Variants in PRKD3 observed in about 807,000 individuals in gnomAD.
PRKD3 encodes the protein serine/threonine-protein kinase D3.
In PRKD3, 47 loss-of-function variants were observed where a neutral mutation model predicts 99.2. The ratio of observed to expected loss-of-function variants is 0.47; its 90% confidence interval spans 0.38 to 0.60. PRKD3 has a LOEUF of 0.60. PRKD3 is among the 20% of genes least tolerant of loss of function. The pLI is 0.00. For missense variants in PRKD3, 1,019 were observed against 1,088.4 expected, an observed-to-expected ratio of 0.94 and a Z score of 0.90; for synonymous variants, 392 against 355.4, an observed-to-expected ratio of 1.10 and a Z score of -1.16.
In PRKD3 at chr2:37,293,148, C is replaced by A; in HGVS notation, c.412G>T (p.Glu138Ter). The stretch of plus-strand genomic sequence containing the variant: ...ACTTACTTACCTGAAAGAACCACTT[C>A]CACTAGGTCTCCTTCATGTATTTCA... Reference protein sequence around the residue: ...ADEIHEGDLVEVVLSALATVE... With the variant: ...ADEIHEGDLV The change falls in exon 3 of 19, where the codon GAA (glutamate) becomes TAA (stop). Residue 138 changes from glutamate to a stop codon, truncating the protein, a stop_gained. Transcript: ENST00000234179. LOFTEE classifies it high-confidence loss of function. The A allele has an allele frequency of 6.3e-7, 1 of 1,581,876 alleles. No homozygotes were observed. The highest frequency in any genetic ancestry group is 8.7e-7 in the Non-Finnish European group (1 of 1,154,726).
intron 2 of PRKD3, among the ~76,000 whole-genome samples, chr2:37,306,275 C>G (rs963783525): frequency 2.6e-5 from 4 of 152,280 alleles, no homozygotes; most frequent in Non-Finnish European, 5.9e-5. Context: ...AATTCCAGTT[C>G]TACCTGCTGC....
chr2:37,293,347 G>T (rs544230157), intron 2 of PRKD3, 76 bp from the exon 3 acceptor site: 5 of 1,355,832 alleles, frequency 3.7e-6, no homozygotes, highest in South Asian at 1.9e-5. Context: ...TTTTATCAAA[G>T]AATTTAAAAC....
chr2:37,306,435 A>T (rs1671170199), intron 2 of PRKD3, among the ~76,000 whole-genome samples: 1 of 152,226 alleles, frequency 6.6e-6, no homozygotes, highest in Admixed American at 6.5e-5. Context: ...AACAATATGA[A>T]GATATAGGAA....
At chr2:37,257,003 CTG>C (rs2148483201) in intron 16 of PRKD3, 74 bp from the exon 17 acceptor site, 3 of 1,459,586 alleles carry the variant, frequency 2.1e-6, no homozygotes, top group Non-Finnish European at 2.8e-6. Context: ...AAATATAACA[CTG>C]TATGTATCAT....
intron 1 of PRKD3, among the ~76,000 whole-genome samples, chr2:37,322,287 A>T (rs7592627): frequency 0.042 from 6,431 of 152,282 alleles, 360 homozygotes; most frequent in African/African-American, 0.13. Flanking sequence ...GTTGGTTTTT[A>T]AAAAAATCAT....
chr2:37,292,563 G>C (rs1670482250), intron 3 of PRKD3, among the ~76,000 whole-genome samples: 1 of 152,060 alleles, frequency 6.6e-6, no homozygotes, highest in Non-Finnish European at 1.5e-5. Context: ...AGCCAGGATG[G>C]TCTTGATCTC....
intron 12 of PRKD3, among the ~76,000 whole-genome samples, chr2:37,270,779 T>A (rs1297607917): frequency 6.6e-6 from 1 of 152,254 alleles, no homozygotes; most frequent in East Asian, 1.9e-4. Flanking sequence ...TAACCAAATT[T>A]TGGTTCTAAT....
chr2:37,256,627 AATTTTTT>A, intron 17 of PRKD3, 28 bp downstream of exon 17: 24 of 1,247,242 alleles, frequency 1.9e-5, no homozygotes, highest in Admixed American at 6.6e-5. Flanking sequence ...ACATAGCCAA[AATTTTTT>A]TTTTTTTTTT....
intron 2 of PRKD3, among the ~76,000 whole-genome samples, chr2:37,308,365 T>A (rs1671255137): frequency 6.6e-6 from 1 of 152,212 alleles, no homozygotes; most frequent in Non-Finnish European, 1.5e-5. Flanking sequence ...TCAATTCCAT[T>A]ATATGTAAAT....
At chr2:37,283,877 G>C (rs1469626664) in intron 6 of PRKD3, among the ~76,000 whole-genome samples, 1 of 148,464 alleles carries the variant, frequency 6.7e-6, no homozygotes, top group Admixed American at 6.7e-5. Flanking sequence ...CTCCAGCCTG[G>C]GCGACAGAGC....
chr2:37,279,816 C>G lies in PRKD3; in HGVS notation c.1102G>C (p.Asp368His). The change falls in exon 8 of 19, where the codon GAT (aspartate) becomes CAT (histidine). Residue 368 changes from aspartate to histidine, a missense_variant. This residue lies in a region of PRKD3 where 710 missense variants were observed against 692.7 expected (regional missense o/e 1.02). Transcript: ENST00000234179. ...DDTEEPSPPEDKMFFLDPSDL... is the reference protein window; with the variant it reads ...DDTEEPSPPEHKMFFLDPSDL... ...GATGGATCCAAGAAGAACATCTTAT[C>G]TTCTGGGGGTGATGGCTCTTCTGTG... 6.2e-7 allele frequency: 1 copy of G among 1,613,878 alleles called. No homozygotes were observed. Among genetic ancestry groups the G allele is most frequent in the Non-Finnish European group, 8.5e-7 (1 of 1,179,950 alleles).
At chr2:37,278,467 G>T (rs1669681275) in intron 8 of PRKD3, 1 of 152,288 alleles carries the variant, frequency 6.6e-6, no homozygotes, top group Non-Finnish European at 1.5e-5. Context: ...CTACTAGAAG[G>T]TATTTAAAGG....
rs572250925 is a variant in PRKD3, at chr2:37,311,340, A to C, written c.288+4897T>G. On this transcript the variant is annotated intron_variant, in intron 2 of 18. Transcript: ENST00000234179. ...TTATTTCAGGACTTACATCTACCTTATATTAGGGCAATTTGACATTTGCTC... is the reference window on the plus strand; with the variant it reads ...TTATTTCAGGACTTACATCTACCTTCTATTAGGGCAATTTGACATTTGCTC... Among the ~76,000 whole-genome samples, 5 of 152,270 alleles carry C rather than the reference A, an allele frequency of 3.3e-5. No individual in the cohort carries two copies. The South Asian group carries it at 1.0e-3, about 32-fold the overall frequency.
chr2:37,256,627 AATT>A (rs1443575207), intron 17 of PRKD3, 32 bp downstream of exon 17: 68 of 1,247,118 alleles, frequency 5.5e-5, no homozygotes, highest in Middle Eastern at 2.7e-4. Flanking sequence ...ACATAGCCAA[AATT>A]TTTTTTTTTT....
chr2:37,280,357 T>C (rs1669799989), intron 7 of PRKD3, among the ~76,000 whole-genome samples: 1 of 152,010 alleles, frequency 6.6e-6, no homozygotes, highest in Non-Finnish European at 1.5e-5. Context: ...AGATAAAGTA[T>C]TTCTTAAAGA....
At chr2:37,302,673 G>A (rs980801672) in intron 2 of PRKD3, among the ~76,000 whole-genome samples, 5 of 151,976 alleles carry the variant, frequency 3.3e-5, no homozygotes, top group African/African-American at 1.2e-4. Context: ...TTTAACAATG[G>A]TTTCTGAATT....
At chr2:37,257,666 C>CAAAA (rs1491483662) in intron 16 of PRKD3, among the ~76,000 whole-genome samples, 17 of 62,430 alleles carry the variant, frequency 2.7e-4, no homozygotes, top group South Asian at 1.1e-3. Context: ...GACTCTGTCT[C>CAAAA]AAAAGAAAAA....
intron 2 of PRKD3, among the ~76,000 whole-genome samples, chr2:37,297,964 T>C (rs1670747153): frequency 6.6e-6 from 1 of 152,210 alleles, no homozygotes; most frequent in Non-Finnish European, 1.5e-5. Flanking sequence ...GAAAGGTTTG[T>C]TTGTTTCCTT....
chr2:37,268,870 T>A (rs1238838451), intron 13 of PRKD3: 1 of 154,042 alleles, frequency 6.5e-6, no homozygotes, highest in Non-Finnish European at 1.4e-5. Flanking sequence ...AATCTGTAGA[T>A]GACTGTGAAC....
Sources: gnomAD v4.1 joint callset for allele counts (sites outside exome capture counted in the v4.1 genomes callset) on GRCh38, gnomAD v4.1.1 for gene constraint, gnomAD v4.1.1 regional missense constraint, MANE v1.5 for transcripts, NCBI Gene and HGNC (gene_info 2026-07-23, HGNC 2026-07-21) for gene names.